The following SUCO variants were observed in gnomAD, a reference collection of about 807,000 sequenced individuals.
The protein encoded by SUCO is SUN domain-containing ossification factor.
A neutral mutation model predicts 148.1 loss-of-function variants in SUCO; 57 were observed. The ratio of observed to expected loss-of-function variants is 0.38; its 90% CI spans 0.31 to 0.48. The LOEUF (loss-of-function observed/expected upper bound fraction) is 0.48, where lower values mean the gene tolerates loss of function less well. Among genes scored for constraint, SUCO ranks in the 20% least tolerant of loss-of-function variants. The pLI is 0.96. For synonymous variants in SUCO, 470 were observed against 502.7 expected (o/e 0.93, Z 0.87); for missense variants, 1,331 against 1,468.2 (o/e 0.91, Z 1.53).
chr1:172,533,203 A>T lies in SUCO; in HGVS notation c.-233A>T. The stretch of plus-strand genomic sequence containing the variant: ...CGGGCGTGGACGAGCCGGTGGCTGC[A>T]GCGGCGGCGGTCCCCGGAGTCCTGT... On this transcript the variant is annotated 5_prime_UTR_variant, in exon 1 of 24. Transcript: ENST00000263688. 1 of 1,515,482 alleles carries T rather than the reference A, an allele frequency of 6.6e-7. No homozygotes were observed. The highest frequency in any genetic ancestry group is 8.8e-7 in the Non-Finnish European group (1 of 1,131,882). 93.9% of individuals were successfully genotyped at this position (1,515,482 alleles called of 1,614,324 possible).
rs115291158 is a variant in SUCO, at chr1:172,543,311, A to G, written c.63-8201A>G. Among the ~76,000 whole-genome samples, 1,105 of 152,282 alleles carry G rather than the reference A, an allele frequency of 7.3e-3. 9 individuals carry two copies. Among genetic ancestry groups the G allele is most frequent in the African/African-American group, 0.025 (1,052 of 41,560 alleles). On this transcript the variant is annotated intron_variant, in intron 1 of 23. Coordinates refer to ENST00000263688, the MANE Select transcript of SUCO (RefSeq NM_014283.5). ...TGACTGATCTGTTGGCCTGGTAGTA[A>G]TTTATTTGAGGACTATTTTTGTAGT... is the stretch of plus-strand genomic sequence containing the variant.
chr1:172,546,839 G>A (rs1250864574), intron 1 of SUCO, among the ~76,000 whole-genome samples: 2 of 152,210 alleles, frequency 1.3e-5, no homozygotes, highest in East Asian at 3.8e-4. Context: ...AGCCCGGGAA[G>A]GGGGAGGCCG....
chr1:172,550,446 A>G (rs1653205435), intron 1 of SUCO, among the ~76,000 whole-genome samples: 1 of 151,904 alleles, frequency 6.6e-6, no homozygotes, highest in Non-Finnish European at 1.5e-5. Flanking sequence ...TCTTAATTTT[A>G]TACTTGGGAA....
intron 9 of SUCO, 74 bp downstream of exon 9, chr1:172,570,804 TACATTG>T (rs556004568): frequency 4.0e-4 from 350 of 875,566 alleles, no homozygotes; most frequent in Admixed American, 1.3e-3. Flanking sequence ...ACATTAGGGT[TACATTG>T]ACATATAATA....
chr1:172,540,688 T>C (rs1220324909), intron 1 of SUCO, among the ~76,000 whole-genome samples: 1 of 152,226 alleles, frequency 6.6e-6, no homozygotes, highest in African/African-American at 2.4e-5. Context: ...AACAGGAGCT[T>C]CATGAGCTGA....
At chr1:172,532,844 C>A, upstream of SUCO, 1 of 1,542,408 alleles carries the variant, frequency 6.5e-7, no homozygotes, top group Non-Finnish European at 8.7e-7. Flanking sequence ...GGGCTCCTCC[C>A]GGCTTTCTGA....
chr1:172,559,248 ATTTG>A (rs1653965234), intron 6 of SUCO, among the ~76,000 whole-genome samples: 1 of 152,012 alleles, frequency 6.6e-6, no homozygotes, highest in African/African-American at 2.4e-5. Flanking sequence ...TTTTTATTGT[ATTTG>A]TTCTCTTATT....
Position 172,589,369 on chromosome 1 carries a change from G to C in SUCO, c.2268G>C (p.Glu756Asp), listed in dbSNP as rs757002660. ...AAGTATCTGAGTCTGTTGAATATGA[G>C]GCAGGACATATACCATCACCAGTGA... ...KIEVSESVEY[E>D]AGHIPSPVIP... The change falls in exon 18 of 24, where the codon GAG becomes GAC. Residue 756 changes from glutamate (E) to aspartate (D), a missense_variant. By Grantham distance (45) the Glu-to-Asp change is conservative. Transcript: ENST00000263688. 5.3e-5 allele frequency: 85 copies of C among 1,613,712 alleles called. 4 individuals are homozygous for C. In the South Asian group the frequency reaches 9.0e-4, roughly 17 times the overall value.
At chr1:172,570,807 A>G (rs919584373) in intron 9 of SUCO, 77 bp downstream of exon 9, 21 of 867,464 alleles carry the variant, frequency 2.4e-5, no homozygotes, top group Non-Finnish European at 3.6e-5. Flanking sequence ...TTAGGGTTAC[A>G]TTGACATATA....
intron 15 of SUCO, among the ~76,000 whole-genome samples, chr1:172,583,521 A>T (rs978438768): frequency 6.6e-6 from 1 of 152,168 alleles, no homozygotes; most frequent in African/African-American, 2.4e-5. Context: ...TATTTACAGG[A>T]TGAGCTCCAG....
intron 6 of SUCO, among the ~76,000 whole-genome samples, chr1:172,558,542 G>A (rs1476987944): frequency 1.3e-5 from 2 of 151,390 alleles, no homozygotes; most frequent in African/African-American, 4.9e-5. Context: ...GGGATCTTTT[G>A]TTCTCTGCTT....
At chr1:172,578,608 T>A in intron 14 of SUCO, 1 of 871,120 alleles carries the variant, frequency 1.1e-6, no homozygotes, top group Non-Finnish European at 1.4e-6. Context: ...CACTTATTTG[T>A]AACTGAAACT....
At position 172,533,306 on chromosome 1, in the gene SUCO, C is replaced by T. The variant is rs1651740717; in HGVS notation, c.-130C>T. 2.6e-6 allele frequency: 4 copies of T among 1,550,558 alleles called. No homozygotes were observed. Among genetic ancestry groups the T allele is most frequent in the African/African-American group, 2.7e-5 (2 of 73,020 alleles). On this transcript the variant is annotated 5_prime_UTR_variant, in exon 1 of 24. Coordinates refer to ENST00000263688, the MANE Select transcript of SUCO (RefSeq NM_014283.5). Reference sequence around the variant, plus strand: ...GCGAGCCACTGAGGAGCCGCTCAGCCAGCGCCATAGCCCTTAGGACTATCG... The same window carrying T: ...GCGAGCCACTGAGGAGCCGCTCAGCTAGCGCCATAGCCCTTAGGACTATCG...
At chr1:172,608,340 C>T (rs941049206) in intron 22 of SUCO, 1 of 173,130 alleles carries the variant, frequency 5.8e-6, no homozygotes, top group Non-Finnish European at 1.2e-5. Context: ...CTTTGTGACA[C>T]AGTTTAGAGG....
At chr1:172,584,682 GGAA>G (rs1324446380) in intron 15 of SUCO, among the ~76,000 whole-genome samples, 4 of 151,978 alleles carry the variant, frequency 2.6e-5, no homozygotes, top group African/African-American at 9.7e-5. Context: ...CTGAGGCAGG[GGAA>G]TTGCTTGAAC....
At chr1:172,543,892 T>C (rs1652679344) in intron 1 of SUCO, among the ~76,000 whole-genome samples, 1 of 152,080 alleles carries the variant, frequency 6.6e-6, no homozygotes, top group South Asian at 2.1e-4. Flanking sequence ...TCCAGACTGA[T>C]ACGTGGTTTA....
chr1:172,600,241 T>C (rs1657412741), intron 20 of SUCO, 73 bp downstream of exon 20: 1 of 1,068,398 alleles, frequency 9.4e-7, no homozygotes, highest in African/African-American at 1.6e-5. Flanking sequence ...CTTGTTAACA[T>C]GAACATGGTA....
chr1:172,536,987 C>T (rs1215185412), intron 1 of SUCO, among the ~76,000 whole-genome samples: 1 of 152,140 alleles, frequency 6.6e-6, no homozygotes, highest in African/African-American at 2.4e-5. Flanking sequence ...TCTGCAAAAT[C>T]TCTTTTACTA....
intron 4 of SUCO, 46 bp from the exon 5 acceptor site, chr1:172,557,234 C>G (rs771446183): frequency 3.5e-5 from 56 of 1,593,424 alleles, no homozygotes; most frequent in Non-Finnish European, 4.5e-5. Flanking sequence ...TATATTACCT[C>G]AAGTTTATTT....
Sources: gnomAD v4.1 joint callset for allele counts (sites outside exome capture counted in the v4.1 genomes callset) on GRCh38, gnomAD v4.1.1 for gene constraint, MANE v1.5 for transcripts, NCBI Gene and HGNC (gene_info 2026-07-23, HGNC 2026-07-21) for gene names.